MCC: variants seen among roughly 807,000 people sequenced by gnomAD.
MCC encodes MCC regulator of Wnt signaling pathway, also known as colorectal mutant cancer protein.
Under a neutral mutation model 116.2 loss-of-function variants are expected in MCC, and 90 were observed. The observed-to-expected ratio is 0.77, with a 90% CI of 0.65 to 0.92. MCC has a LOEUF of 0.92. Ranked by LOEUF, MCC falls within the 40% of genes least tolerant of loss-of-function variation. MCC has a pLI of 0.00. For synonymous variants in MCC, 578 were observed against 510.5 expected (o/e 1.13, Z -1.78); for missense variants, 1,516 against 1,312.2 (o/e 1.16, Z -2.40).
intron 1 of MCC, among the ~76,000 whole-genome samples, chr5:113,439,986 C>A (rs764415682): frequency 4.6e-5 from 7 of 152,130 alleles, no homozygotes; most frequent in South Asian, 4.2e-4. Context: ...TAGCCTCAAC[C>A]TCCTGGCCTT....
intron 1 of MCC, among the ~76,000 whole-genome samples, chr5:113,396,955 A>G (rs981998571): frequency 7.2e-5 from 11 of 152,258 alleles, no homozygotes; most frequent in Admixed American, 2.0e-4. Flanking sequence ...GAATCAACAG[A>G]TAACTTTCTT....
At chr5:113,072,840 A>G (rs1426050209) in intron 11 of MCC, among the ~76,000 whole-genome samples, 1 of 152,170 alleles carries the variant, frequency 6.6e-6, no homozygotes, top group Non-Finnish European at 1.5e-5. Context: ...CCAGGCTCAC[A>G]TATCCAGCTG....
At chr5:113,204,757 T>A (rs1162742700) in intron 3 of MCC, among the ~76,000 whole-genome samples, 1 of 152,202 alleles carries the variant, frequency 6.6e-6, no homozygotes, top group Non-Finnish European at 1.5e-5. Context: ...GGGAGGGTAA[T>A]TGCATCTACT....
At chr5:113,260,218 T>C (rs920986300) in intron 3 of MCC, among the ~76,000 whole-genome samples, 3 of 152,198 alleles carry the variant, frequency 2.0e-5, no homozygotes, top group Non-Finnish European at 4.4e-5. Context: ...TCCACTGTTA[T>C]TTATCATATT....
In MCC at chr5:113,451,121, T is replaced by C. The variant is rs189499847; in HGVS notation, c.170+37124A>G. 2.8e-3 allele frequency among the ~76,000 whole-genome samples: 425 copies of C among 152,256 alleles called. 3 individuals are homozygous for C. Among genetic ancestry groups the C allele is most frequent in the Non-Finnish European group, 2.3e-3 (157 of 68,012 alleles). On this transcript the variant is annotated intron_variant, in intron 1 of 18. Transcript: ENST00000408903. ...TGTAAGCAGAATTCAGGAAGTAAAA[T>C]AAGAACCCATAGCTGGTGGCATACC...
chr5:113,221,866 A>T (rs1209229611), intron 3 of MCC, among the ~76,000 whole-genome samples: 2 of 152,012 alleles, frequency 1.3e-5, no homozygotes, highest in Non-Finnish European at 2.9e-5. Context: ...TTTGAGTAAT[A>T]ATACAACTCC....
intron 16 of MCC, among the ~76,000 whole-genome samples, chr5:113,045,035 C>T (rs1751979807): frequency 6.6e-6 from 1 of 152,214 alleles, no homozygotes; most frequent in Non-Finnish European, 1.5e-5. Context: ...CCTTCCACCT[C>T]CTCTCCACCT....
chr5:113,436,005 A>T (rs1770846884), intron 1 of MCC: 1 of 152,454 alleles, frequency 6.6e-6, no homozygotes, highest in Non-Finnish European at 1.5e-5. Flanking sequence ...GTCAGGAAGA[A>T]GGAGTTGCAT....
At chr5:113,272,815 G>A (rs868240582) in intron 3 of MCC, among the ~76,000 whole-genome samples, 3 of 152,130 alleles carry the variant, frequency 2.0e-5, no homozygotes, top group African/African-American at 7.2e-5. Context: ...CTCTGCTATC[G>A]TATCTGGCAA....
chr5:113,468,439 G>A (rs372261370), intron 1 of MCC, among the ~76,000 whole-genome samples: 8 of 152,152 alleles, frequency 5.3e-5, no homozygotes, highest in African/African-American at 1.4e-4. Context: ...ATTGAGATAA[G>A]CATGTGGTTT....
At chr5:113,485,618 T>C (rs1459341190) in intron 1 of MCC, among the ~76,000 whole-genome samples, 2 of 152,150 alleles carry the variant, frequency 1.3e-5, no homozygotes, top group Non-Finnish European at 2.9e-5. Context: ...CTTTGGACTA[T>C]GAGATAACCA....
chr5:113,168,757 A>G (rs1031482262), intron 3 of MCC, among the ~76,000 whole-genome samples: 4 of 151,988 alleles, frequency 2.6e-5, no homozygotes, highest in African/African-American at 9.7e-5. Context: ...TGGGGGGAAA[A>G]CAGGGGCAAC....
chr5:113,084,550 G>T lies in MCC; in HGVS notation c.1546-360C>A, dbSNP rs80037932. Among the ~76,000 whole-genome samples, 22 of 152,350 alleles carry T rather than the reference G, an allele frequency of 1.4e-4. No homozygotes were observed. The East Asian group carries it at 4.2e-3, about 29-fold the overall frequency. On this transcript the variant is annotated intron_variant, in intron 9 of 18. Coordinates refer to ENST00000408903, the MANE Select transcript of MCC (RefSeq NM_001085377.2). ...TGGAGGATGAAATCACTTCTGGTTA[G>T]AAAACACTGGTTTAACCTAACTTAT...
chr5:113,345,154 C>G (rs1171963136), intron 2 of MCC, among the ~76,000 whole-genome samples: 4 of 152,128 alleles, frequency 2.6e-5, no homozygotes, highest in Admixed American at 6.6e-5. Flanking sequence ...TGGTGGTGGC[C>G]ACTGAGAGAG....
intron 1 of MCC, among the ~76,000 whole-genome samples, chr5:113,429,484 C>T (rs1329745378): frequency 6.6e-6 from 1 of 152,150 alleles, no homozygotes; most frequent in African/African-American, 2.4e-5. Context: ...CCAGGGCTGA[C>T]TAAGATAGGG....
At chr5:113,171,152 C>T (rs960417848) in intron 3 of MCC, among the ~76,000 whole-genome samples, 8 of 151,958 alleles carry the variant, frequency 5.3e-5, no homozygotes, top group Admixed American at 2.0e-4. Flanking sequence ...AGTGCTATCA[C>T]AGCATGGTGC....
Position 113,064,163 on chromosome 5 carries a change from G to T in MCC, c.2034C>A (p.Asp678Glu). The T allele has an allele frequency of 6.2e-7, 1 of 1,609,490 alleles. No individual in the cohort carries two copies. The highest frequency in any genetic ancestry group is 8.5e-7 in the Non-Finnish European group (1 of 1,177,170). ...RAAGVGSSPG[D>E]QSGDENITQM... The stretch of plus-strand genomic sequence containing the variant: ...GAGTGATGTTTTCATCCCCCGACTG[G>T]TCTCCTATGTGGCAGAGAAGCCAAC... The change falls in exon 14 of 19, where the codon GAC becomes GAA. Residue 678 changes from aspartate (D) to glutamate (E), a missense_variant. Physicochemically the swap from Asp to Glu is conservative, Grantham distance 45. Transcript: ENST00000408903.
chr5:113,084,743 T>C (rs1237086476), intron 9 of MCC, among the ~76,000 whole-genome samples: 1 of 152,196 alleles, frequency 6.6e-6, no homozygotes, highest in African/African-American at 2.4e-5. Flanking sequence ...CTGTCCATCA[T>C]AATCTATTTT....
rs1754915661 is a variant in MCC, at chr5:113,082,290, T to A, written c.1784+570A>T. On this transcript the variant is annotated intron_variant, in intron 11 of 18. Transcript: ENST00000408903. The stretch of plus-strand genomic sequence containing the variant: ...AGACTGAGCACATTTGCGAAGAACA[T>A]AAATAAAACTAGGCAACCATCAGGA... Among the ~76,000 whole-genome samples, 3 of 152,368 alleles carry A rather than the reference T, an allele frequency of 2.0e-5. No homozygotes were observed. The Middle Eastern group carries it at 0.01, about 518-fold the overall frequency.
Sources: gnomAD v4.1 joint callset for allele counts (sites outside exome capture counted in the v4.1 genomes callset) on GRCh38, gnomAD v4.1.1 for gene constraint, MANE v1.5 for transcripts, NCBI Gene and HGNC (gene_info 2026-07-23, HGNC 2026-07-21) for gene names.